The following HHAT variants were observed in gnomAD, a reference collection of about 807,000 sequenced individuals.
HHAT encodes protein-cysteine N-palmitoyltransferase HHAT.
In HHAT, 47 loss-of-function variants were observed where a neutral mutation model predicts 70.8. The ratio of observed to expected loss-of-function variants is 0.66; its 90% CI spans 0.53 to 0.85. The LOEUF is 0.85. Among genes scored for constraint, HHAT ranks in the 40% least tolerant of loss-of-function variants. The pLI is 0.00. For synonymous variants in HHAT, 228 were observed against 247.6 expected (o/e 0.92, Z 0.74); for missense variants, 609 against 604.8 (o/e 1.01, Z -0.07).
At chr1:210,396,092 A>G (rs981013374) in intron 4 of HHAT, among the ~76,000 whole-genome samples, 2 of 152,208 alleles carry the variant, frequency 1.3e-5, no homozygotes, top group African/African-American at 4.8e-5. Flanking sequence ...AGTAAGATCT[A>G]TGTCTCATCA....
rs753051717 is a variant in HHAT at position 210,491,432 on chromosome 1, C to T, written c.1008-21721C>T. On this transcript the variant is annotated intron_variant, in intron 8 of 11. Coordinates refer to ENST00000261458, the MANE Select transcript of HHAT (RefSeq NM_018194.6). ...AGAGCTGGTGGGAAGGCAGTAGTTACGACTTTGAGCCGTGAAACTGTGCTT... is the reference window on the plus strand; with the variant it reads ...AGAGCTGGTGGGAAGGCAGTAGTTATGACTTTGAGCCGTGAAACTGTGCTT... Among the ~76,000 whole-genome samples the T allele has an allele frequency of 5.3e-5, 8 of 152,122 alleles. No homozygotes were observed. In the South Asian group the frequency reaches 6.2e-4, roughly 12 times the overall value.
At chr1:210,419,747 A>G (rs1476039750) in intron 7 of HHAT, among the ~76,000 whole-genome samples, 1 of 152,204 alleles carries the variant, frequency 6.6e-6, no homozygotes, top group African/African-American at 2.4e-5. Flanking sequence ...CTTTCTTCCA[A>G]ACAAAACTTT....
Position 210,625,191 on chromosome 1 carries a change from G to A in HHAT, c.1390+1521G>A, listed in dbSNP as rs192023193. Among the ~76,000 whole-genome samples, 237 of 152,284 alleles carry A rather than the reference G, an allele frequency of 1.6e-3. 1 individual carries two copies. Among genetic ancestry groups the A allele is most frequent in the Non-Finnish European group, 2.1e-3 (141 of 68,022 alleles). On this transcript the variant is annotated intron_variant, in intron 11 of 11. Transcript: ENST00000261458. ...TGAAAAGACCACGTACTTTCTAAGC[G>A]AAAGCTGTCCTTTAATAAAGATGAG...
At chr1:210,516,737 T>TA (rs35733551) in intron 9 of HHAT, among the ~76,000 whole-genome samples, 33,567 of 146,394 alleles carry the variant, frequency 0.23, 3,883 homozygotes, top group Admixed American at 0.32. Flanking sequence ...GTGTTTGGCA[T>TA]AAAAAAAAAA....
At chr1:210,501,749 G>T (rs1361642030) in intron 8 of HHAT, among the ~76,000 whole-genome samples, 1 of 152,176 alleles carries the variant, frequency 6.6e-6, no homozygotes, top group Non-Finnish European at 1.5e-5. Flanking sequence ...AATCTGGAAA[G>T]TGCTAGTTCA....
At chr1:210,654,523 G>T (rs1675973429) in intron 11 of HHAT, among the ~76,000 whole-genome samples, 1 of 152,218 alleles carries the variant, frequency 6.6e-6, no homozygotes, top group South Asian at 2.1e-4. Context: ...ACACCCTGGG[G>T]TTCTGATTTA....
chr1:210,355,128 A>G (rs1460893599), intron 2 of HHAT, among the ~76,000 whole-genome samples: 1 of 152,132 alleles, frequency 6.6e-6, no homozygotes, highest in Non-Finnish European at 1.5e-5. Context: ...ATTATTTCTG[A>G]TCTACACTAA....
At chr1:210,644,072 ATAGT>A (rs1385676890) in intron 11 of HHAT, among the ~76,000 whole-genome samples, 1 of 152,146 alleles carries the variant, frequency 6.6e-6, no homozygotes, top group African/African-American at 2.4e-5. Flanking sequence ...AGAATTGTAG[ATAGT>A]TAGATCCAAA....
chr1:210,587,908 A>G lies in HHAT; in HGVS notation c.1054A>G (p.Ile352Val), dbSNP rs778078227. The change falls in exon 10 of 12, where the codon ATT becomes GTT. Residue 352 changes from isoleucine to valine, a missense_variant. Transcript: ENST00000261458. ...CTCTTCTTTCTCTAGGTATGTGTACATTCCAGTGGGCGGGTCCCAGCATGG... is the reference window on the plus strand; with the variant it reads ...CTCTTCTTTCTCTAGGTATGTGTACGTTCCAGTGGGCGGGTCCCAGCATGG... Reference protein sequence around the residue: ...LHNFLIRYVYIPVGGSQHGLL... With the variant: ...LHNFLIRYVYVPVGGSQHGLL... The G allele has an allele frequency of 6.2e-7, 1 of 1,613,908 alleles. No homozygotes were observed.
chr1:210,342,091 G>T lies in HHAT; in HGVS notation c.-43-6842G>T, dbSNP rs79947636. 2.7e-3 allele frequency among the ~76,000 whole-genome samples: 411 copies of T among 151,880 alleles called. 4 individuals carry two copies. Among genetic ancestry groups the T allele is most frequent in the African/African-American group, 9.3e-3 (386 of 41,406 alleles). ...TCTTTTTTCCCCCTACCAGCTTCTG[G>T]ACTATTTTGATGCCAAGGACAACTC... On this transcript the variant is annotated intron_variant, in intron 1 of 11. Transcript: ENST00000261458.
intron 6 of HHAT, among the ~76,000 whole-genome samples, chr1:210,411,238 C>G (rs1044796955): frequency 1.3e-5 from 2 of 152,170 alleles, no homozygotes; most frequent in African/African-American, 4.8e-5. Context: ...TCTCCACTCC[C>G]TGGGATGGGG....
chr1:210,591,763 G>T (rs1661757767), intron 10 of HHAT, among the ~76,000 whole-genome samples: 1 of 151,972 alleles, frequency 6.6e-6, no homozygotes, highest in South Asian at 2.1e-4. Flanking sequence ...TTGTAGTTTT[G>T]ATTTGAATTT....
intron 3 of HHAT, among the ~76,000 whole-genome samples, chr1:210,376,249 GTTAATA>G (rs1334801805): frequency 1.3e-5 from 2 of 152,006 alleles, no homozygotes; most frequent in Non-Finnish European, 2.9e-5. Flanking sequence ...TAATGTAAAT[GTTAATA>G]TTTATATCAA....
rs752632405 is a variant in HHAT at position 210,404,460 on chromosome 1, G to C, written c.469-4G>C. The C allele has an allele frequency of 6.2e-7, 1 of 1,609,552 alleles. No individual in the cohort carries two copies. The highest frequency in any genetic ancestry group is 1.1e-5 in the South Asian group (1 of 90,912). ...AAGGTTGTTCTCTCCTTTTGATTTT[G>C]TAGAGAAGGTGGTACAAGACAGAAA... On this transcript the variant is annotated splice_polypyrimidine_tract_variant and splice_region_variant and intron_variant, in intron 5 of 11. Coordinates refer to ENST00000261458, the MANE Select transcript of HHAT (RefSeq NM_018194.6).
chr1:210,561,222 G>A (rs1192764499), intron 9 of HHAT, among the ~76,000 whole-genome samples: 2 of 152,086 alleles, frequency 1.3e-5, no homozygotes, highest in African/African-American at 4.8e-5. Flanking sequence ...AAGGCCCTTT[G>A]GTTTCATCAT....
chr1:210,542,450 A>C (rs2095439599), intron 9 of HHAT, among the ~76,000 whole-genome samples: 1 of 151,912 alleles, frequency 6.6e-6, no homozygotes, highest in African/African-American at 2.4e-5. Flanking sequence ...GGAAATAAGT[A>C]AAATTTGGAC....
At chr1:210,618,146 G>T (rs553268819) in intron 10 of HHAT, among the ~76,000 whole-genome samples, 87 of 152,302 alleles carry the variant, frequency 5.7e-4, no homozygotes, top group African/African-American at 1.9e-3. Context: ...TGAATATTTT[G>T]AGAAGGGGAA....
At chr1:210,375,753 G>C (rs1337541065) in intron 3 of HHAT, among the ~76,000 whole-genome samples, 1 of 151,016 alleles carries the variant, frequency 6.6e-6, no homozygotes, top group African/African-American at 2.4e-5. Context: ...ACCAATGTCA[G>C]ATCTTTTGTT....
intron 11 of HHAT, among the ~76,000 whole-genome samples, chr1:210,660,257 C>T (rs939412378): frequency 6.6e-6 from 1 of 152,108 alleles, no homozygotes; most frequent in East Asian, 1.9e-4. Flanking sequence ...CACAGCATTC[C>T]TATACACCAA....
Sources: gnomAD v4.1 joint callset for allele counts (sites outside exome capture counted in the v4.1 genomes callset) on GRCh38, gnomAD v4.1.1 for gene constraint, MANE v1.5 for transcripts, NCBI Gene and HGNC (gene_info 2026-07-23, HGNC 2026-07-21) for gene names.